TBC1D14: variants seen among roughly 807,000 people sequenced by gnomAD.
The protein encoded by TBC1D14 is TBC1 domain family member 14, also known as TBC1 domain family, member 14.
Under a neutral mutation model 79.0 loss-of-function variants are expected in TBC1D14, and 26 were observed. The ratio of observed to expected loss-of-function variants is 0.33; its 90% CI spans 0.24 to 0.46. TBC1D14 has a LOEUF of 0.46. Ranked by LOEUF, TBC1D14 falls within the 20% of genes least tolerant of loss-of-function variation. The pLI is 1.00. For missense variants in TBC1D14, 769 were observed against 887.6 expected, an observed-to-expected ratio of 0.87 and a Z score of 1.70; for synonymous variants, 394 against 349.9, an observed-to-expected ratio of 1.13 and a Z score of -1.40.
chr4:6,975,382 A>G (rs13140943), intron 3 of TBC1D14, among the ~76,000 whole-genome samples: 70,019 of 151,018 alleles, frequency 0.46, 16,735 homozygotes, highest in East Asian at 0.67. Context: ...CTAATTTTGT[A>G]TATTTTTTGT....
chr4:7,024,594 G>A (rs552010136), intron 12 of TBC1D14, among the ~76,000 whole-genome samples: 141 of 152,322 alleles, frequency 9.3e-4, no homozygotes, highest in African/African-American at 2.5e-3. Context: ...CTCCCAGGGC[G>A]GGGGGAACCT....
intron 3 of TBC1D14, among the ~76,000 whole-genome samples, chr4:6,983,624 C>T (rs1446400351): frequency 6.6e-6 from 1 of 152,134 alleles, no homozygotes; most frequent in African/African-American, 2.4e-5. Context: ...CATTTGTCCC[C>T]ATTAATGTTG....
chr4:7,003,651 A>G (rs377464133), intron 7 of TBC1D14, among the ~76,000 whole-genome samples: 9 of 152,222 alleles, frequency 5.9e-5, no homozygotes, highest in African/African-American at 2.2e-4. Context: ...AGTCTTAGTG[A>G]TAGACAAGTG....
At chr4:6,956,672 T>G (rs985020789) in intron 2 of TBC1D14, among the ~76,000 whole-genome samples, 6 of 152,248 alleles carry the variant, frequency 3.9e-5, no homozygotes, top group African/African-American at 1.2e-4. Flanking sequence ...AAGGCTGGCA[T>G]AGCCACTGCT....
chr4:7,022,930 TATA>T (rs1721973687), intron 12 of TBC1D14, among the ~76,000 whole-genome samples: 3 of 152,134 alleles, frequency 2.0e-5, no homozygotes, highest in Admixed American at 1.3e-4. Context: ...TGACTATATA[TATA>T]AAATATGTAT....
At chr4:6,922,728 C>T (rs1309447886) in intron 1 of TBC1D14, among the ~76,000 whole-genome samples, 2 of 152,064 alleles carry the variant, frequency 1.3e-5, no homozygotes, top group South Asian at 2.1e-4. Flanking sequence ...ATCATTTCAC[C>T]ACTCCCCCAA....
At chr4:7,018,932 G>A (rs757186266) in intron 12 of TBC1D14, among the ~76,000 whole-genome samples, 2 of 152,202 alleles carry the variant, frequency 1.3e-5, no homozygotes, top group Middle Eastern at 3.2e-3. Flanking sequence ...CAAAAGAATC[G>A]GGGACTACAT....
chr4:6,914,761 T>A (rs1723263168), intron 1 of TBC1D14, among the ~76,000 whole-genome samples: 1 of 152,162 alleles, frequency 6.6e-6, no homozygotes, highest in Admixed American at 6.5e-5. Context: ...AGAAAGAGGC[T>A]GGGCTCAATG....
chr4:7,026,059 C>G (rs1722338553), intron 13 of TBC1D14, among the ~76,000 whole-genome samples: 1 of 152,124 alleles, frequency 6.6e-6, no homozygotes, highest in African/African-American at 2.4e-5. Context: ...GAGAGAGGGT[C>G]TCGCTCTGTC....
chr4:6,964,501 T>C (rs536802830), intron 2 of TBC1D14, among the ~76,000 whole-genome samples: 25 of 152,362 alleles, frequency 1.6e-4, no homozygotes, highest in African/African-American at 5.3e-4. Context: ...TGCCAGGTTC[T>C]TAGTGTCTTC....
intron 3 of TBC1D14, among the ~76,000 whole-genome samples, chr4:6,979,323 G>T (rs981052578): frequency 1.3e-5 from 2 of 152,166 alleles, no homozygotes; most frequent in Non-Finnish European, 2.9e-5. Flanking sequence ...CTGACAGATT[G>T]TCAGAATGGG....
chr4:6,940,788 T>G (rs1233378370), intron 2 of TBC1D14, among the ~76,000 whole-genome samples: 5 of 152,154 alleles, frequency 3.3e-5, no homozygotes, highest in Non-Finnish European at 7.4e-5. Flanking sequence ...TCTATGTTCT[T>G]GTGTCTTACC....
chr4:6,961,981 C>G lies in TBC1D14; in HGVS notation c.723-5323C>G, dbSNP rs1427883917. On this transcript the variant is annotated intron_variant, in intron 2 of 13. Coordinates refer to ENST00000409757, the MANE Select transcript of TBC1D14 (RefSeq NM_020773.3). ...CGAGGGCTGTTGAGAAAGCGTCTCG[C>G]TCTGGCCTCCTGACTGCAGAGGTGT... 1.3e-5 allele frequency among the ~76,000 whole-genome samples: 2 copies of G among 152,224 alleles called. 1 individual carries two copies. The highest frequency in any genetic ancestry group is 4.1e-4 in the South Asian group (2 of 4,836).
At chr4:6,988,162 C>T (rs1435709776) in intron 3 of TBC1D14, among the ~76,000 whole-genome samples, 2 of 152,222 alleles carry the variant, frequency 1.3e-5, no homozygotes, top group South Asian at 2.1e-4. Context: ...CTAAACTGGG[C>T]TCCCCCCTCC....
At chr4:6,960,396 C>G (rs536924171) in intron 2 of TBC1D14, among the ~76,000 whole-genome samples, 2 of 152,140 alleles carry the variant, frequency 1.3e-5, no homozygotes, top group Middle Eastern at 3.4e-3. Flanking sequence ...CTGGCCTACC[C>G]CGTGCCTTTT....
intron 9 of TBC1D14, among the ~76,000 whole-genome samples, chr4:7,008,423 C>A (rs540047122): frequency 6.6e-6 from 1 of 152,198 alleles, no homozygotes; most frequent in East Asian, 1.9e-4. Flanking sequence ...ATTATTTTTT[C>A]TTTTTTGAGA....
At chr4:7,020,094 G>A (rs1307386206) in intron 12 of TBC1D14, among the ~76,000 whole-genome samples, 2 of 150,394 alleles carry the variant, frequency 1.3e-5, no homozygotes, top group Non-Finnish European at 3.0e-5. Flanking sequence ...GGTTAGGGAG[G>A]ACTCTGGGGC....
At chr4:6,981,819 T>G (rs1273322532) in intron 3 of TBC1D14, among the ~76,000 whole-genome samples, 1 of 152,162 alleles carries the variant, frequency 6.6e-6, no homozygotes, top group Non-Finnish European at 1.5e-5. Context: ...GAATTCAGTG[T>G]CCATTCCTCA....
chr4:6,994,144 C>T (rs773657288), intron 3 of TBC1D14, 40 bp from the exon 4 acceptor site: 162 of 1,532,868 alleles, frequency 1.1e-4, no homozygotes, highest in Non-Finnish European at 1.3e-4. Context: ...TTCATCCTAT[C>T]TGAAAGGACC....
Sources: gnomAD v4.1 joint callset for allele counts (sites outside exome capture counted in the v4.1 genomes callset) on GRCh38, gnomAD v4.1.1 for gene constraint, MANE v1.5 for transcripts, NCBI Gene and HGNC (gene_info 2026-07-23, HGNC 2026-07-21) for gene names.